Variants in CSMD2 observed in about 807,000 individuals in gnomAD.
CSMD2 encodes CUB and sushi domain-containing protein 2.
Under a neutral mutation model 398.5 loss-of-function variants are expected in CSMD2, and 130 were observed. That is an observed-to-expected ratio of 0.33 (90% CI 0.28 to 0.38). The LOEUF is 0.38. Ranked by LOEUF, CSMD2 falls within the 10% of genes least tolerant of loss-of-function variation. CSMD2 has a pLI of 1.00. For synonymous variants in CSMD2, 1,828 were observed against 1,908.5 expected (o/e 0.96, Z 1.10); for missense variants, 3,829 against 4,764.9 (o/e 0.80, Z 5.78).
In CSMD2 at chr1:34,051,102, C is replaced by T. The variant is rs117132310; in HGVS notation, c.405-18396G>A. Among the ~76,000 whole-genome samples the T allele has an allele frequency of 5.9e-5, 9 of 152,306 alleles. No individual in the cohort carries two copies. The East Asian group carries it at 1.7e-3, about 29-fold the overall frequency. ...AAACAGAAATGGGACTGCTACTACA[C>T]AATGGAGGTAAGGAAGATTATGTCT... On this transcript the variant is annotated intron_variant, in intron 2 of 70. Transcript: ENST00000373381.
chr1:33,626,834 C>T (rs551188170), intron 32 of CSMD2, among the ~76,000 whole-genome samples: 1 of 152,148 alleles, frequency 6.6e-6, no homozygotes, highest in Admixed American at 6.5e-5. Flanking sequence ...AGTTCAGTAC[C>T]CTCATTTAAT....
chr1:34,143,307 A>G (rs746091370), intron 1 of CSMD2, among the ~76,000 whole-genome samples: 1 of 152,092 alleles, frequency 6.6e-6, no homozygotes, highest in Non-Finnish European at 1.5e-5. Context: ...TTACCAGGTG[A>G]AAAACTTGCG....
At chr1:33,551,781 C>T (rs1184436839) in intron 55 of CSMD2, among the ~76,000 whole-genome samples, 1 of 152,236 alleles carries the variant, frequency 6.6e-6, no homozygotes, top group African/African-American at 2.4e-5. Context: ...TTGTGACTTG[C>T]TTTGAATAAC....
intron 1 of CSMD2, among the ~76,000 whole-genome samples, chr1:34,100,524 G>A (rs1659835873): frequency 6.6e-6 from 1 of 152,088 alleles, no homozygotes; most frequent in African/African-American, 2.4e-5. Context: ...TCCATGCCAT[G>A]GATGTATCTC....
intron 2 of CSMD2, among the ~76,000 whole-genome samples, chr1:34,037,330 C>T (rs1489385932): frequency 1.3e-5 from 2 of 152,148 alleles, no homozygotes; most frequent in Non-Finnish European, 2.9e-5. Context: ...CTGACTGCAG[C>T]CTTGCTGACT....
At chr1:33,953,005 G>A (rs1208261926) in intron 3 of CSMD2, among the ~76,000 whole-genome samples, 2 of 152,146 alleles carry the variant, frequency 1.3e-5, no homozygotes, top group Non-Finnish European at 2.9e-5. Context: ...ATGGCTGCAC[G>A]TGGCAAAAAA....
At chr1:33,863,426 CCAGT>C (rs1639695749) in intron 5 of CSMD2, 1 of 152,150 alleles carries the variant, frequency 6.6e-6, no homozygotes, top group Admixed American at 6.5e-5. Context: ...TTCATGAACT[CCAGT>C]GTTAATTAAT....
Position 34,100,326 on chromosome 1 carries a change from A to G in CSMD2, c.188-11133T>C, listed in dbSNP as rs189434777. ...ACAGCCAGGTATGTGTCCCTCCCTCACCTTCTTCTCTCTCATGCAAACCAC... is the reference window on the plus strand; with the variant it reads ...ACAGCCAGGTATGTGTCCCTCCCTCGCCTTCTTCTCTCTCATGCAAACCAC... On this transcript the variant is annotated intron_variant, in intron 1 of 70. Transcript: ENST00000373381. Among the ~76,000 whole-genome samples the G allele has an allele frequency of 3.5e-3, 533 of 152,064 alleles. 4 individuals are homozygous for G. Among genetic ancestry groups the G allele is most frequent in the Admixed American group, 0.011 (173 of 15,272 alleles).
At chr1:33,884,689 GATA>G (rs1178528066) in intron 5 of CSMD2, 2 of 152,320 alleles carry the variant, frequency 1.3e-5, no homozygotes, top group Admixed American at 6.5e-5. Context: ...ATGCAAAGCT[GATA>G]ATGTTACTCC....
At chr1:33,836,825 C>A (rs1660329330) in intron 6 of CSMD2, among the ~76,000 whole-genome samples, 1 of 152,206 alleles carries the variant, frequency 6.6e-6, no homozygotes, top group South Asian at 2.1e-4. Flanking sequence ...TGAGGCCATG[C>A]CTCGCCCTGC....
intron 5 of CSMD2, among the ~76,000 whole-genome samples, chr1:33,898,178 T>C (rs1642516126): frequency 6.6e-6 from 1 of 152,204 alleles, no homozygotes; most frequent in African/African-American, 2.4e-5. Flanking sequence ...ACTATTTCTC[T>C]TGCAGTCATG....
chr1:33,804,075 T>C (rs1033082791), intron 10 of CSMD2, among the ~76,000 whole-genome samples: 1 of 152,254 alleles, frequency 6.6e-6, no homozygotes, highest in East Asian at 1.9e-4. Context: ...AGTTTCTTTA[T>C]CTACCAAATA....
chr1:33,815,248 CTCTAGAGTA>C (rs1657326093), intron 9 of CSMD2: 1 of 152,150 alleles, frequency 6.6e-6, no homozygotes, highest in South Asian at 2.1e-4. Flanking sequence ...TACTTGACCT[CTCTAGAGTA>C]TCTGACACTA....
intron 12 of CSMD2, among the ~76,000 whole-genome samples, chr1:33,775,328 G>T (rs1230407882): frequency 1.3e-5 from 2 of 152,094 alleles, no homozygotes; most frequent in East Asian, 3.9e-4. Flanking sequence ...TTCAAATGTT[G>T]ATGTGTTTTA....
At chr1:33,787,847 T>G (rs1653723115) in intron 12 of CSMD2, among the ~76,000 whole-genome samples, 1 of 152,094 alleles carries the variant, frequency 6.6e-6, no homozygotes, top group Non-Finnish European at 1.5e-5. Flanking sequence ...TAATGCCTAT[T>G]CTAAGCAAGA....
intron 6 of CSMD2, among the ~76,000 whole-genome samples, chr1:33,840,721 C>T (rs887546755): frequency 5.9e-5 from 9 of 152,192 alleles, no homozygotes; most frequent in African/African-American, 1.9e-4. Context: ...GTAACAGGCT[C>T]ACTCTGGACT....
intron 5 of CSMD2, among the ~76,000 whole-genome samples, chr1:33,908,051 A>G (rs1643213450): frequency 7.1e-6 from 1 of 141,400 alleles, no homozygotes; most frequent in Admixed American, 7.6e-5. Context: ...GTGACATTGC[A>G]CTCCAGCCTG....
At chr1:33,998,723 A>G (rs1206626509) in intron 3 of CSMD2, among the ~76,000 whole-genome samples, 1 of 152,182 alleles carries the variant, frequency 6.6e-6, no homozygotes, top group African/African-American at 2.4e-5. Context: ...TACACAATGA[A>G]AAGGCAGGGC....
chr1:33,971,752 T>G (rs1558181912), intron 3 of CSMD2, among the ~76,000 whole-genome samples: 2 of 151,986 alleles, frequency 1.3e-5, no homozygotes, highest in Non-Finnish European at 2.9e-5. Flanking sequence ...TGAGAGGGGG[T>G]GCCTCCAAGG....
Sources: gnomAD v4.1 joint callset for allele counts (sites outside exome capture counted in the v4.1 genomes callset) on GRCh38, gnomAD v4.1.1 for gene constraint, MANE v1.5 for transcripts, NCBI Gene and HGNC (gene_info 2026-07-23, HGNC 2026-07-21) for gene names.